Variants in POTED observed in about 807,000 individuals in gnomAD.
The protein encoded by POTED is ANKRD26-like family B member 3.
A neutral mutation model predicts 19.0 loss-of-function variants in POTED; 7 were observed. The observed-to-expected ratio is 0.37, with a 90% confidence interval of 0.21 to 0.69. POTED has a LOEUF of 0.69. Ranked by LOEUF, POTED falls within the 30% of genes least tolerant of loss-of-function variation. The probability of loss-of-function intolerance (pLI) is 0.56; values close to 1 mark genes in which losing one functional copy is unlikely to be tolerated. For synonymous variants in POTED, 16 were observed against 92.0 expected (o/e 0.17, Z 4.73); for missense variants, 54 against 278.5 (o/e 0.19, Z 5.74).
At chr21:13,636,680 G>T (rs2011236804) in intron 9 of POTED, among the ~76,000 whole-genome samples, 1 of 69,814 alleles carries the variant, frequency 1.4e-5, no homozygotes. Flanking sequence ...CCAATAGTTT[G>T]GCTTTGTGTT....
rs1381681934 is a variant in POTED at position 13,612,128 on chromosome 21, G to A, written c.521+1379G>A. On this transcript the variant is annotated intron_variant, in intron 1 of 10. Transcript: ENST00000299443. The stretch of plus-strand genomic sequence containing the variant: ...GAAAACAGCATTCCTGCTAAGAGAA[G>A]GAATTTAAGTTAGAAGAGGAATGAA... 6.1e-5 allele frequency among the ~76,000 whole-genome samples: 5 copies of A among 81,488 alleles called. 2 individuals are homozygous for A. Among genetic ancestry groups the A allele is most frequent in the Non-Finnish European group, 1.1e-4 (5 of 46,172 alleles). 53.5% of individuals were successfully genotyped at this position (81,488 alleles called of 152,430 possible).
rs1172206780 is a variant in POTED at position 13,643,713 on chromosome 21, G to A, written c.*2147G>A. ...AAGCGGACCATGCCTGATCAATGGA[G>A]AGCTGCAGCAAGGTGACCTCTACAG... On this transcript the variant is annotated 3_prime_UTR_variant, in exon 11 of 11. Coordinates refer to ENST00000299443, the MANE Select transcript of POTED (RefSeq NM_174981.6). 1.3e-5 allele frequency among the ~76,000 whole-genome samples: 1 copy of A among 75,326 alleles called. No individual in the cohort carries two copies. The highest frequency in any genetic ancestry group is 2.3e-5 in the Non-Finnish European group (1 of 43,508). 49.4% of individuals were successfully genotyped at this position (75,326 alleles called of 152,430 possible).
Position 13,645,385 on chromosome 21 carries a change from G to A in POTED, c.*3819G>A, listed in dbSNP as rs1204751501. Among the ~76,000 whole-genome samples the A allele has an allele frequency of 7.6e-6, 1 of 131,198 alleles. No homozygotes were observed. The highest frequency in any genetic ancestry group is 2.3e-4 in the South Asian group (1 of 4,376). The allele number at this position is 131,198 out of a possible 152,430, so 86.1% of individuals were successfully genotyped here. A position where few individuals can be genotyped will look rare whatever the true frequency, so the allele number is the denominator to read the frequency against. On this transcript the variant is annotated 3_prime_UTR_variant, in exon 11 of 11. Transcript: ENST00000299443. ...TGCAAAGGGAATTCCATCAGATTTA[G>A]CAGACCTCTCAACTGAAACTGTACA...
chr21:13,627,453 C>CA (rs3079029), intron 6 of POTED, among the ~76,000 whole-genome samples: 8 of 79,178 alleles, frequency 1.0e-4, no homozygotes, highest in Non-Finnish European at 1.5e-4. Context: ...AACAAAAAAA[C>CA]AAAAAAAAAA....
At position 13,634,531 on chromosome 21, in the gene POTED, A is replaced by T. The variant is rs2011227016; in HGVS notation, c.1409+3424A>T. On this transcript the variant is annotated intron_variant, in intron 9 of 10. Coordinates refer to ENST00000299443, the MANE Select transcript of POTED (RefSeq NM_174981.6). ...TTCTTGCCATCCCTTATCTACCCCT[A>T]GTGCTTAAAGATGCCAGGCACACCT... is the stretch of plus-strand genomic sequence containing the variant. Among the ~76,000 whole-genome samples the T allele has an allele frequency of 2.5e-5, 2 of 81,134 alleles. 1 individual carries two copies. Among genetic ancestry groups the T allele is most frequent in the Non-Finnish European group, 4.4e-5 (2 of 45,958 alleles). The allele number at this position is 81,134 out of a possible 152,430, so 53.2% of individuals were successfully genotyped here.
rs1275272363 is a variant in POTED, at chr21:13,612,217, A to C, written c.521+1468A>C. Among the ~76,000 whole-genome samples, 30 of 71,616 alleles carry C rather than the reference A, an allele frequency of 4.2e-4. 9 individuals are homozygous for C. The highest frequency in any genetic ancestry group is 1.7e-3 in the South Asian group (4 of 2,350). The allele number at this position is 71,616 out of a possible 152,430, so 47.0% of individuals were successfully genotyped here. On this transcript the variant is annotated intron_variant, in intron 1 of 10. Transcript: ENST00000299443. Reference sequence around the variant, plus strand: ...CCAGCCATGGTGGCTCATGCCTGTAATCCCAGCACTTTGGGAGGCCAAGGC... The same window carrying C: ...CCAGCCATGGTGGCTCATGCCTGTACTCCCAGCACTTTGGGAGGCCAAGGC...
rs1364543021 is a variant in POTED, at chr21:13,645,503, C to A, written c.*3937C>A. The stretch of plus-strand genomic sequence containing the variant: ...TTAAGCATCATAAGTGAAGGAGAAA[C>A]AAGATCCTTTTCAGACAAGCAAATG... On this transcript the variant is annotated 3_prime_UTR_variant, in exon 11 of 11. Transcript: ENST00000299443. Among the ~76,000 whole-genome samples, 1 of 132,704 alleles carries A rather than the reference C, an allele frequency of 7.5e-6. No homozygotes were observed. The highest frequency in any genetic ancestry group is 1.6e-5 in the Non-Finnish European group (1 of 61,478). The allele number at this position is 132,704 out of a possible 152,430, so 87.1% of individuals were successfully genotyped here.
chr21:13,616,208 G>T (rs1160932423), intron 3 of POTED, among the ~76,000 whole-genome samples: 2 of 79,910 alleles, frequency 2.5e-5, no homozygotes, highest in African/African-American at 1.2e-4. Flanking sequence ...CCTTTATATG[G>T]TGAGACAGGG....
chr21:13,637,004 A>ATATATATATATATATATTT (rs1481200854), intron 9 of POTED, among the ~76,000 whole-genome samples: 1 of 16,466 alleles, frequency 6.1e-5, no homozygotes, highest in Non-Finnish European at 9.7e-5. Flanking sequence ...ATATATATAT[A>ATATATATATATATATATTT]TTTTTTTTTT....
rs2011144256 is a variant in POTED at position 13,612,392 on chromosome 21, C to T, written c.521+1643C>T. Among the ~76,000 whole-genome samples the T allele has an allele frequency of 2.5e-5, 2 of 79,138 alleles. 1 individual carries two copies. The highest frequency in any genetic ancestry group is 2.1e-4 in the Admixed American group (2 of 9,408). 51.9% of individuals were successfully genotyped at this position (79,138 alleles called of 152,430 possible). A position where few individuals can be genotyped will look rare whatever the true frequency, so the allele number is the denominator to read the frequency against. ...GGCTGAGGCAGGAGAATTGCTTGAA[C>T]CAGGGAGACGGAGGTTGCAGTGAGC... On this transcript the variant is annotated intron_variant, in intron 1 of 10. Transcript: ENST00000299443.
In POTED at chr21:13,619,388, G is replaced by A. The variant is rs1295757126; in HGVS notation, c.918-770G>A. Among the ~76,000 whole-genome samples the A allele has an allele frequency of 5.2e-5, 4 of 76,322 alleles. 2 individuals are homozygous for A. The highest frequency in any genetic ancestry group is 1.8e-4 in the African/African-American group (2 of 10,988). The allele number at this position is 76,322 out of a possible 152,430, so 50.1% of individuals were successfully genotyped here. ...TACATATGTAACTAACCTGCACAAT[G>A]TGCACATGTACCCTAAAACTTAAAG... On this transcript the variant is annotated intron_variant, in intron 4 of 10. Coordinates refer to ENST00000299443, the MANE Select transcript of POTED (RefSeq NM_174981.6).
rs1465315715 is a variant in POTED at position 13,643,531 on chromosome 21, TCTC to T, written c.*1969_*1971del. On this transcript the variant is annotated 3_prime_UTR_variant, in exon 11 of 11. Coordinates refer to ENST00000299443, the MANE Select transcript of POTED (RefSeq NM_174981.6). ...GCTGAGGATTCACTTTTGAGAGAGT[TCTC>T]CTCTGAGACCTGATCTGTGCTGGGC... Among the ~76,000 whole-genome samples, 5 of 45,470 alleles carry T rather than the reference TCTC, an allele frequency of 1.1e-4. No homozygotes were observed. The South Asian group carries it at 2.5e-3, about 22-fold the overall frequency. The allele number at this position is 45,470 out of a possible 152,430, so 29.8% of individuals were successfully genotyped here. A position where few individuals can be genotyped will look rare whatever the true frequency, so the allele number is the denominator to read the frequency against.
chr21:13,637,004 A>ATATATATATATATATATATTTTTT (rs1481200854), intron 9 of POTED, among the ~76,000 whole-genome samples: 1 of 16,468 alleles, frequency 6.1e-5, no homozygotes, highest in Non-Finnish European at 9.7e-5. Context: ...ATATATATAT[A>ATATATATATATATATATATTTTTT]TTTTTTTTTT....
chr21:13,624,012 G>A lies in POTED; in HGVS notation c.1126+1137G>A, dbSNP rs1410574063. Among the ~76,000 whole-genome samples, 3 of 98,980 alleles carry A rather than the reference G, an allele frequency of 3.0e-5. 1 individual carries two copies. The highest frequency in any genetic ancestry group is 1.5e-4 in the African/African-American group (3 of 20,070). 64.9% of individuals were successfully genotyped at this position (98,980 alleles called of 152,430 possible). ...GAATTTACAAAGAAAACCTTTCTAT[G>A]TTTTCACTTGTCCACTTAACAAATA... On this transcript the variant is annotated intron_variant, in intron 6 of 10. Transcript: ENST00000299443.
At position 13,645,016 on chromosome 21, in the gene POTED, C is replaced by A; in HGVS notation, c.*3450C>A. ...ATCCCAGAGCTTGAAAACTGGCTTT[C>A]TGAAATAAAACAGGCAAACAAGAAT... On this transcript the variant is annotated 3_prime_UTR_variant, in exon 11 of 11. Coordinates refer to ENST00000299443, the MANE Select transcript of POTED (RefSeq NM_174981.6). Among the ~76,000 whole-genome samples, 1 of 81,674 alleles carries A rather than the reference C, an allele frequency of 1.2e-5. No homozygotes were observed. 53.6% of individuals were successfully genotyped at this position (81,674 alleles called of 152,430 possible).
rs1296752492 is a variant in POTED at position 13,645,578 on chromosome 21, A to C, written c.*4012A>C. Among the ~76,000 whole-genome samples, 1 of 122,170 alleles carries C rather than the reference A, an allele frequency of 8.2e-6. No homozygotes were observed. Among genetic ancestry groups the C allele is most frequent in the Admixed American group, 7.7e-5 (1 of 12,994 alleles). The allele number at this position is 122,170 out of a possible 152,430, so 80.1% of individuals were successfully genotyped here. A position where few individuals can be genotyped will look rare whatever the true frequency, so the allele number is the denominator to read the frequency against. On this transcript the variant is annotated 3_prime_UTR_variant, in exon 11 of 11. Coordinates refer to ENST00000299443, the MANE Select transcript of POTED (RefSeq NM_174981.6). ...CCTACCTTACAAGAGCTCCTGAAGG[A>C]AGCACTAAATATGGAAAGAAAAGAC...
At chr21:13,626,821 T>C (rs757534767) in intron 6 of POTED, among the ~76,000 whole-genome samples, 4 of 19,314 alleles carry the variant, frequency 2.1e-4, no homozygotes, top group Non-Finnish European at 3.5e-4. Context: ...TATTTAAGTC[T>C]CTGCTTGGGC....
In POTED at chr21:13,640,523, CGTGTGT is replaced by C. The variant is rs563854848; in HGVS notation, c.1534-799_1534-794del. 1.1e-4 allele frequency among the ~76,000 whole-genome samples: 8 copies of C among 75,422 alleles called. 4 individuals are homozygous for C. The highest frequency in any genetic ancestry group is 7.4e-4 in the South Asian group (2 of 2,712). The allele number at this position is 75,422 out of a possible 152,430, so 49.5% of individuals were successfully genotyped here. On this transcript the variant is annotated intron_variant, in intron 10 of 10. Transcript: ENST00000299443. ...AAAAATCCTGCACGTTGCATATATA[CGTGTGT>C]GTGTGTGTGTGTGTGTGTGTGTTTG...
intron 7 of POTED, among the ~76,000 whole-genome samples, chr21:13,629,571 C>T (rs1336794543): frequency 2.0e-5 from 1 of 48,938 alleles, no homozygotes; most frequent in Non-Finnish European, 3.5e-5. Flanking sequence ...GTTAAGTTTG[C>T]TGGTTCATGT....
Sources: allele counts gnomAD v4.1 joint callset (sites outside exome capture counted in the v4.1 genomes callset), GRCh38; gene constraint gnomAD v4.1.1; transcripts MANE v1.5; gene names NCBI Gene and HGNC (gene_info 2026-07-23, HGNC 2026-07-21).